SLC26A3: variants seen among roughly 807,000 people sequenced by gnomAD.
The protein encoded by SLC26A3 is solute carrier family 26 member 3.
Under a neutral mutation model 85.6 loss-of-function variants are expected in SLC26A3, and 64 were observed. The observed-to-expected ratio is 0.75, with a 90% CI of 0.61 to 0.92. SLC26A3 has a LOEUF of 0.92. SLC26A3 is among the 40% of genes least tolerant of loss of function. The pLI, the probability that SLC26A3 is intolerant of heterozygous loss-of-function variation, is 0.00. For synonymous variants in SLC26A3, 349 were observed against 336.0 expected (o/e 1.04, Z -0.42); for missense variants, 922 against 927.3 (o/e 0.99, Z 0.07).
At chr7:107,797,605 T>C (rs1794530719) in intron 1 of SLC26A3, among the ~76,000 whole-genome samples, 1 of 152,212 alleles carries the variant, frequency 6.6e-6, no homozygotes, top group African/African-American at 2.4e-5. Context: ...CCAAAAGCTA[T>C]GCCTCCATGT....
At position 107,789,619 on chromosome 7, in the gene SLC26A3, T is replaced by A. The variant is rs755850859; in HGVS notation, c.640A>T (p.Thr214Ser). 6 of 1,613,940 alleles carry A rather than the reference T, an allele frequency of 3.7e-6. No individual in the cohort carries two copies. The South Asian group carries it at 6.6e-5, about 18-fold the overall frequency. The stretch of plus-strand genomic sequence containing the variant: ...AAAACATGAACAGCAGCAGCAGTAG[T>A]GAAGCCACTGATGAGGGACTCAGAC... ...YLSESLISGFTTAAAVHVLVS... is the reference protein window; with the variant it reads ...YLSESLISGFSTAAAVHVLVS... The change falls in exon 6 of 21, where the codon ACT becomes TCT. Residue 214 changes from threonine to serine, a missense_variant. Transcript: ENST00000340010.
chr7:107,792,858 A>T (rs974967227), intron 3 of SLC26A3, among the ~76,000 whole-genome samples: 1 of 152,268 alleles, frequency 6.6e-6, no homozygotes, highest in Non-Finnish European at 1.5e-5. Context: ...AGGGTCTGGT[A>T]TCCAGAATAT....
intron 3 of SLC26A3, among the ~76,000 whole-genome samples, chr7:107,792,329 T>A (rs1291454060): frequency 1.3e-5 from 2 of 152,082 alleles, no homozygotes; most frequent in Non-Finnish European, 2.9e-5. Context: ...CATTGTAATA[T>A]TTAATGAAAT....
intron 1 of SLC26A3, among the ~76,000 whole-genome samples, chr7:107,797,266 G>A (rs1379906443): frequency 2.0e-5 from 3 of 152,232 alleles, no homozygotes; most frequent in Admixed American, 6.5e-5. Flanking sequence ...GGCTGAAGCA[G>A]GAGGATCACT....
At position 107,794,600 on chromosome 7, in the gene SLC26A3, G is replaced by T; in HGVS notation, c.-88-3C>A. The T allele has an allele frequency of 1.5e-6, 2 of 1,373,586 alleles. No homozygotes were observed. Among genetic ancestry groups the T allele is most frequent in the Non-Finnish European group, 2.1e-6 (2 of 962,566 alleles). 85.1% of individuals were successfully genotyped at this position (1,373,586 alleles called of 1,614,324 possible). On this transcript the variant is annotated splice_polypyrimidine_tract_variant and splice_region_variant and intron_variant, in intron 1 of 20. Coordinates refer to ENST00000340010, the MANE Select transcript of SLC26A3 (RefSeq NM_000111.3). ...TGCCTTTAGCAGGTTAAAAATGCCTGAAACCAAACAGAGCTTGCTTCTTAA... is the reference window on the plus strand; with the variant it reads ...TGCCTTTAGCAGGTTAAAAATGCCTTAAACCAAACAGAGCTTGCTTCTTAA...
chr7:107,790,691 C>T (rs1050203360), intron 5 of SLC26A3, among the ~76,000 whole-genome samples: 2 of 152,250 alleles, frequency 1.3e-5, no homozygotes, highest in East Asian at 1.9e-4. Flanking sequence ...ACCAGTATGA[C>T]GATTTCTTGT....
intron 18 of SLC26A3, among the ~76,000 whole-genome samples, chr7:107,769,498 T>C (rs977915008): frequency 1.3e-5 from 2 of 152,186 alleles, no homozygotes; most frequent in African/African-American, 4.8e-5. Context: ...ATACTGCATA[T>C]TCTCACTTAT....
In SLC26A3 at chr7:107,797,739, C is replaced by CATTTTTTTTTTTTT. The variant is rs781396459; in HGVS notation, c.-88-3143_-88-3142insAAAAAAAAAAAAAT. Among the ~76,000 whole-genome samples, 4 of 70,538 alleles carry CATTTTTTTTTTTTT rather than the reference C, an allele frequency of 5.7e-5. 1 individual carries two copies. The highest frequency in any genetic ancestry group is 3.3e-4 in the African/African-American group (4 of 11,996). 46.3% of individuals were successfully genotyped at this position (70,538 alleles called of 152,430 possible). A position where few individuals can be genotyped will look rare whatever the true frequency, so the allele number is the denominator to read the frequency against. On this transcript the variant is annotated intron_variant, in intron 1 of 20. Transcript: ENST00000340010. ...TCATTTCTGAGATTCTTGAGCAGGA[C>CATTTTTTTTTTTTT]CTTTTTTTTTTGAGACGGAGTCTTG...
At chr7:107,775,838 A>C (rs939383509) in intron 15 of SLC26A3, among the ~76,000 whole-genome samples, 2 of 152,234 alleles carry the variant, frequency 1.3e-5, no homozygotes, top group African/African-American at 4.8e-5. Context: ...ACAACAACAA[A>C]AAACTCGGTA....
rs1391519451 is a variant in SLC26A3, at chr7:107,793,858, C to T, written c.155G>A (p.Arg52Lys). 2 of 1,613,946 alleles carry T rather than the reference C, an allele frequency of 1.2e-6. No individual in the cohort carries two copies. Among genetic ancestry groups the T allele is most frequent in the Admixed American group, 3.3e-5 (2 of 60,006 alleles). ...TATGGGGAACAAAGAGAGGACAATT[C>T]TCTTGGCCTTTTGTGGGGAACAGCT... is the stretch of plus-strand genomic sequence containing the variant. ...CCSCSPQKAK[R>K]IVLSLFPIAS... is the part of the protein sequence containing the mutation. The change falls in exon 3 of 21, where the codon AGA becomes AAA. Residue 52 changes from arginine to lysine, a missense_variant. Coordinates refer to ENST00000340010, the MANE Select transcript of SLC26A3 (RefSeq NM_000111.3).
chr7:107,765,820 TAGTC>T lies in SLC26A3; in HGVS notation c.*31_*34del. The stretch of plus-strand genomic sequence containing the variant: ...TGGGTATAAAGTTGTTTTTATGTCA[TAGTC>T]AGATGAAGATCCTTCTGAATTATAT... On this transcript the variant is annotated 3_prime_UTR_variant, in exon 21 of 21. Transcript: ENST00000340010. 7.8e-6 allele frequency: 12 copies of T among 1,539,242 alleles called. No homozygotes were observed. Among genetic ancestry groups the T allele is most frequent in the Non-Finnish European group, 9.9e-6 (11 of 1,112,376 alleles).
rs1794456733 is a variant in SLC26A3, at chr7:107,794,254, AC to A, written c.131+124del. On this transcript the variant is annotated intron_variant, in intron 2 of 20. Coordinates refer to ENST00000340010, the MANE Select transcript of SLC26A3 (RefSeq NM_000111.3). ...CTGTCAGGGAGTAGGAGGTTTGGAA[AC>A]TAAAGAGGAAAGGACTGTAGGCTGT... is the stretch of plus-strand genomic sequence containing the variant. The A allele has an allele frequency of 8.0e-6, 9 of 1,129,570 alleles. No homozygotes were observed. The South Asian group carries it at 1.2e-4, about 15-fold the overall frequency. 70.0% of individuals were successfully genotyped at this position (1,129,570 alleles called of 1,614,324 possible).
chr7:107,766,408 C>T (rs965159655), intron 20 of SLC26A3, among the ~76,000 whole-genome samples: 16 of 152,100 alleles, frequency 1.1e-4, no homozygotes, highest in Non-Finnish European at 2.2e-4. Context: ...GAGAGGGTTT[C>T]TGGTGTGAGA....
At chr7:107,778,142 C>G in intron 13 of SLC26A3, 33 bp downstream of exon 13, 1 of 1,469,120 alleles carries the variant, frequency 6.8e-7, no homozygotes, top group Non-Finnish European at 9.5e-7. Context: ...CAGGTCCAAG[C>G]CTGCCAGGAT....
intron 1 of SLC26A3, among the ~76,000 whole-genome samples, chr7:107,802,897 T>C (rs1447278304): frequency 2.6e-5 from 4 of 152,186 alleles, no homozygotes; most frequent in Non-Finnish European, 5.9e-5. Flanking sequence ...CCTACAACCA[T>C]TTACTTGTTA....
At chr7:107,778,845 G>A (rs967397556) in intron 12 of SLC26A3, among the ~76,000 whole-genome samples, 2 of 152,128 alleles carry the variant, frequency 1.3e-5, no homozygotes, top group Middle Eastern at 3.4e-3. Context: ...AAAAAAAATA[G>A]CTGAGGATGG....
Position 107,771,880 on chromosome 7 carries a change from T to A in SLC26A3, c.2062+174A>T, listed in dbSNP as rs62467979. On this transcript the variant is annotated intron_variant, in intron 18 of 20. Transcript: ENST00000340010. ...GAATGTATTTAATTACATATCAACA[T>A]AACTAAAATACAAAGATGCTGTTTC... Among the ~76,000 whole-genome samples the A allele has an allele frequency of 0.13, 19,455 of 152,216 alleles. 2,787 individuals are homozygous for A. The highest frequency in any genetic ancestry group is 0.35 in the African/African-American group (14,697 of 41,488).
At chr7:107,793,132 C>T (rs1457508365) in intron 3 of SLC26A3, among the ~76,000 whole-genome samples, 2 of 152,168 alleles carry the variant, frequency 1.3e-5, no homozygotes, top group Non-Finnish European at 2.9e-5. Flanking sequence ...TCATACACTG[C>T]TAGTGGAAAT....
chr7:107,767,516 T>A, intron 20 of SLC26A3, 63 bp downstream of exon 20: 2 of 1,265,958 alleles, frequency 1.6e-6, no homozygotes, highest in South Asian at 1.2e-5. Flanking sequence ...GTGGCCTCAC[T>A]ACTTTGAAGG....
Sources: allele counts gnomAD v4.1 joint callset (sites outside exome capture counted in the v4.1 genomes callset), GRCh38; gene constraint gnomAD v4.1.1; transcripts MANE v1.5; gene names NCBI Gene and HGNC (gene_info 2026-07-23, HGNC 2026-07-21).